The following CLTC variants were observed in gnomAD, a reference collection of about 807,000 sequenced individuals.
The protein encoded by CLTC is clathrin heavy chain 1.
Under a neutral mutation model 195.8 loss-of-function variants are expected in CLTC, and 16 were observed. The ratio of observed to expected loss-of-function variants is 0.08; its 90% CI spans 0.06 to 0.12. The LOEUF is 0.12. CLTC is among the 10% of genes least tolerant of loss of function. The pLI, the probability that CLTC is intolerant of heterozygous loss-of-function variation, is 1.00. For synonymous variants in CLTC, 667 were observed against 689.4 expected, an observed-to-expected ratio of 0.97 and a Z score of 0.51; for missense variants, 796 against 2,027.0, an observed-to-expected ratio of 0.39 and a Z score of 11.66.
At chr17:59,653,445 G>A (rs540004988) in intron 5 of CLTC, among the ~76,000 whole-genome samples, 5 of 151,856 alleles carry the variant, frequency 3.3e-5, no homozygotes, top group Admixed American at 6.5e-5. Context: ...CACCCACCTC[G>A]GCCTCCCAAA....
chr17:59,682,685 T>C lies in CLTC; in HGVS notation c.3657T>C (p.Asn1219=). The change falls in exon 23 of 32, where the codon AAT becomes AAC. Residue 1219 remains asparagine, a synonymous_variant. Coordinates refer to ENST00000269122, the MANE Select transcript of CLTC (RefSeq NM_004859.4). This position sits in a 1 kb window ranked among gnomAD's most constrained non-coding sequence, Gnocchi z 6.8. ...KMYDAAKLLY[N]NVSNFGRLAS... Reference sequence around the variant, plus strand: ...ATGATGCTGCTAAGTTGTTGTACAATAATGTTTCCAATTTTGGACGTTTGG... The same window carrying C: ...ATGATGCTGCTAAGTTGTTGTACAACAATGTTTCCAATTTTGGACGTTTGG... 1.9e-6 allele frequency: 3 copies of C among 1,614,142 alleles called. No individual in the cohort carries two copies. Among genetic ancestry groups the C allele is most frequent in the South Asian group, 1.1e-5 (1 of 91,080 alleles).
At chr17:59,644,895 C>G (rs1470479073) in intron 2 of CLTC, among the ~76,000 whole-genome samples, 2 of 152,150 alleles carry the variant, frequency 1.3e-5, no homozygotes, top group South Asian at 4.1e-4. Flanking sequence ...TAGGGTTTAC[C>G]TTTTTAAGTA....
chr17:59,651,987 T>C (rs1200243888), intron 5 of CLTC, among the ~76,000 whole-genome samples: 1 of 152,218 alleles, frequency 6.6e-6, no homozygotes, highest in Non-Finnish European at 1.5e-5. Flanking sequence ...TCTGTAATAA[T>C]CTAAATCCTT....
rs1209338205 is a variant in CLTC at position 59,620,135 on chromosome 17, G to A, written c.4G>A (p.Ala2Thr). Residue 2 changes from alanine (A) to threonine (T), a missense_variant, in exon 1 of 32, where the codon GCC becomes ACC. Physicochemically the swap from Ala to Thr is moderately conservative, Grantham distance 58. This residue lies in a region of CLTC where 24 missense variants were observed against 29.8 expected (regional missense o/e 0.81). Transcript: ENST00000269122. M[A>T]QILPIRFQEH... ...GACCATAACCCCCGACAGCGCCATG[G>A]CCCAGATTCTGCCAATTCGTTTTCA... is the stretch of plus-strand genomic sequence containing the variant. The A allele has an allele frequency of 1.2e-5, 19 of 1,614,106 alleles. No individual in the cohort carries two copies. The highest frequency in any genetic ancestry group is 1.6e-5 in the Non-Finnish European group (19 of 1,180,016).
chr17:59,687,153 C>A (rs1598245725), intron 30 of CLTC: 2 of 268,496 alleles, frequency 7.4e-6, no homozygotes, highest in Non-Finnish European at 1.1e-5. Context: ...AAAGCCTCTG[C>A]AAGTCCCTTG....
intron 6 of CLTC, 144 bp from the exon 7 acceptor site, chr17:59,660,243 CCTTT>C (rs2032578575): frequency 1.4e-6 from 1 of 694,788 alleles, no homozygotes; most frequent in South Asian, 1.9e-5. Context: ...TGTCTTCCTT[CCTTT>C]CATTATTTTT....
At chr17:59,667,891 A>G (rs1330168462) in intron 13 of CLTC, among the ~76,000 whole-genome samples, 2 of 152,158 alleles carry the variant, frequency 1.3e-5, no homozygotes, top group Admixed American at 6.6e-5. Flanking sequence ...GTAGTACTCT[A>G]TTGAGAAGGG....
At chr17:59,676,400 G>T (rs1205867105) in intron 16 of CLTC, among the ~76,000 whole-genome samples, 1 of 152,166 alleles carries the variant, frequency 6.6e-6, no homozygotes, top group Non-Finnish European at 1.5e-5. Flanking sequence ...AAAGCTGAAA[G>T]AACTCTCAGA....
intron 14 of CLTC, chr17:59,670,869 G>C (rs983870149): frequency 1.3e-5 from 2 of 152,200 alleles, no homozygotes; most frequent in African/African-American, 4.8e-5. Flanking sequence ...GCCTGATATA[G>C]TAGGGGTGTG....
At position 59,683,354 on chromosome 17, in the gene CLTC, CAT is replaced by C. The variant is rs1567970874; in HGVS notation, c.4042-30_4042-29del. On this transcript the variant is annotated intron_variant, in intron 25 of 31. Transcript: ENST00000269122. This position sits in a 1 kb window ranked among gnomAD's most constrained non-coding sequence, Gnocchi z 6.1. Reference sequence around the variant, plus strand: ...TCTTTTTAAGGCTGTTAGCTAGACTCATATCTAAAGCAATTAAGTCTTTCTTA... The same window carrying C: ...TCTTTTTAAGGCTGTTAGCTAGACTCATCTAAAGCAATTAAGTCTTTCTTA... 1 of 1,603,894 alleles carries C rather than the reference CAT, an allele frequency of 6.2e-7. No homozygotes were observed. Among genetic ancestry groups the C allele is most frequent in the Non-Finnish European group, 8.5e-7 (1 of 1,175,032 alleles).
At chr17:59,657,213 A>G (rs1053717512) in intron 6 of CLTC, among the ~76,000 whole-genome samples, 9 of 152,118 alleles carry the variant, frequency 5.9e-5, no homozygotes, top group Non-Finnish European at 1.3e-4. Context: ...GTGCATCCCT[A>G]CCTACCCATG....
At chr17:59,644,601 A>T in intron 2 of CLTC, 118 bp downstream of exon 2, 2 of 811,416 alleles carry the variant, frequency 2.5e-6, no homozygotes, top group Admixed American at 2.5e-5. Context: ...CCCAGGCTGG[A>T]GTGCAATGGC....
Position 59,656,006 on chromosome 17 carries a change from T to A in CLTC, c.948T>A (p.Ile316=), listed in dbSNP as rs1351260468. The stretch of plus-strand genomic sequence containing the variant: ...CTCATGAAGCCACAGCTGGAATAAT[T>A]GGAGTAAACAGAAAGGGACAAGTAA... The part of the protein sequence containing the change: ...TAPHEATAGI[I]GVNRKGQVLS... The change falls in exon 6 of 32, where the codon ATT becomes ATA. Residue 316 remains isoleucine (I), a synonymous_variant. Coordinates refer to ENST00000269122, the MANE Select transcript of CLTC (RefSeq NM_004859.4). The A allele has an allele frequency of 6.2e-7, 1 of 1,611,056 alleles. No individual in the cohort carries two copies. The highest frequency in any genetic ancestry group is 1.3e-5 in the African/African-American group (1 of 74,802).
intron 9 of CLTC, 47 bp from the exon 10 acceptor site, chr17:59,664,740 T>C (rs760342169): frequency 8.6e-5 from 136 of 1,587,498 alleles, no homozygotes; most frequent in Non-Finnish European, 1.1e-4. Flanking sequence ...TTAAATGCTA[T>C]AAAATTGAAA....
At chr17:59,647,281 T>A in intron 2 of CLTC, 117 bp from the exon 3 acceptor site, 1 of 748,754 alleles carries the variant, frequency 1.3e-6, no homozygotes, top group South Asian at 1.9e-5. Flanking sequence ...GCTGTATCGA[T>A]GCAACTCGTC....
chr17:59,621,548 T>C (rs1268404592), intron 1 of CLTC, among the ~76,000 whole-genome samples: 1 of 152,248 alleles, frequency 6.6e-6, no homozygotes, highest in Non-Finnish European at 1.5e-5. Flanking sequence ...TCTTTGCAAG[T>C]ATTACCATGT....
intron 7 of CLTC, among the ~76,000 whole-genome samples, chr17:59,660,905 T>G (rs2032592663): frequency 6.6e-6 from 1 of 152,328 alleles, no homozygotes; most frequent in Non-Finnish European, 1.5e-5. Context: ...GTTACTGATT[T>G]TATTTCCATA....
At chr17:59,631,788 T>C (rs1403505231) in intron 1 of CLTC, among the ~76,000 whole-genome samples, 1 of 151,776 alleles carries the variant, frequency 6.6e-6, no homozygotes, top group Non-Finnish European at 1.5e-5. Context: ...CTGGACAGCA[T>C]GGCAAAACCC....
chr17:59,664,594 A>G, intron 9 of CLTC, 193 bp from the exon 10 acceptor site: 2 of 492,318 alleles, frequency 4.1e-6, no homozygotes, highest in Non-Finnish European at 7.0e-6. Flanking sequence ...AAAATGGATA[A>G]GCCAGTTATA....
Sources: allele counts gnomAD v4.1 joint callset (sites outside exome capture counted in the v4.1 genomes callset), GRCh38; gene constraint gnomAD v4.1.1; regional missense constraint gnomAD v4.1.1; non-coding constraint Gnocchi (gnomAD v3.1); transcripts MANE v1.5; gene names NCBI Gene and HGNC (gene_info 2026-07-23, HGNC 2026-07-21).